SIPA1L2: variants seen among roughly 807,000 people sequenced by gnomAD.
SIPA1L2 encodes the protein signal induced proliferation associated 1 like 2.
SIPA1L2 carries 56 observed loss-of-function variants against 163.9 expected under a neutral mutation model. The observed-to-expected ratio is 0.34, with a 90% CI of 0.28 to 0.43. SIPA1L2 has a LOEUF of 0.43. SIPA1L2 is among the 20% of genes least tolerant of loss of function. The pLI, the probability that SIPA1L2 is intolerant of heterozygous loss-of-function variation, is 1.00. For synonymous variants in SIPA1L2, 877 were observed against 865.7 expected (o/e 1.01, Z -0.23); for missense variants, 1,974 against 2,193.5 (o/e 0.90, Z 2.00).
At position 232,596,720 on chromosome 1, in the gene SIPA1L2, T is replaced by C. The variant is rs191199967; in HGVS notation, c.-318-22498A>G. On this transcript the variant is annotated intron_variant, in intron 1 of 22. Transcript: ENST00000674635. ...AAAGAACAGCTTCTTCTTATTAATA[T>C]TGAAACAATCACTACAGGGAAGAAG... 2.7e-3 allele frequency among the ~76,000 whole-genome samples: 404 copies of C among 152,346 alleles called. 5 individuals carry two copies. Among genetic ancestry groups the C allele is most frequent in the African/African-American group, 9.0e-3 (376 of 41,576 alleles).
intron 1 of SIPA1L2, among the ~76,000 whole-genome samples, chr1:232,609,357 A>G (rs1662121481): frequency 6.6e-6 from 1 of 152,328 alleles, no homozygotes; most frequent in Admixed American, 6.5e-5. Context: ...AAAAGTTTAA[A>G]ATGAATATGC....
chr1:232,426,915 G>A (rs1476991883), intron 17 of SIPA1L2, among the ~76,000 whole-genome samples: 1 of 152,274 alleles, frequency 6.6e-6, no homozygotes, highest in East Asian at 1.9e-4. Context: ...AAGCCAGAAT[G>A]TTCACATCAT....
At chr1:232,411,801 T>C (rs1483747245) in intron 19 of SIPA1L2, among the ~76,000 whole-genome samples, 5 of 152,234 alleles carry the variant, frequency 3.3e-5, no homozygotes, top group Non-Finnish European at 7.3e-5. Flanking sequence ...CCTAAAAAAA[T>C]TGCTCTTGTC....
rs1660401678 is a variant in SIPA1L2 at position 232,402,464 on chromosome 1, A to C, written c.4950T>G (p.Ser1650=). 6.2e-7 allele frequency: 1 copy of C among 1,613,084 alleles called. No homozygotes were observed. Among genetic ancestry groups the C allele is most frequent in the South Asian group, 1.1e-5 (1 of 91,048 alleles). ...TGACTTTCCCGGTCAGTGGTGATGGAGAACGCTCCCTAGCAAATAAGGATA... is the reference window on the plus strand; with the variant it reads ...TGACTTTCCCGGTCAGTGGTGATGGCGAACGCTCCCTAGCAAATAAGGATA... ...KEFMDTTGER[S]PSPLTGKVNQ... Residue 1650 remains serine (S), a synonymous_variant, in exon 22 of 23, where the codon TCT becomes TCG. Transcript: ENST00000674635.
Position 232,513,926 on chromosome 1 carries a change from C to G in SIPA1L2, c.1414G>C (p.Val472Leu), listed in dbSNP as rs776287842. 2 of 1,613,906 alleles carry G rather than the reference C, an allele frequency of 1.2e-6. No homozygotes were observed. The highest frequency in any genetic ancestry group is 3.3e-5 in the Admixed American group (2 of 59,986). Residue 472 changes from valine (V) to leucine (L), a missense_variant, in exon 3 of 23, where the codon GTG becomes CTG. Val to Leu is a conservative substitution (Grantham distance 32, BLOSUM62 1). This residue lies in a region of SIPA1L2 where 607 missense variants were observed against 624.0 expected (regional missense o/e 0.97). Transcript: ENST00000674635. ...RENQPIHREK[V>L]KRYIIEHIDL... ...ATGTGTTCTATGATGTAGCGCTTCA[C>G]TTTCTCCCTGTGAATAGGCTGGTTT...
At chr1:232,490,553 CA>C (rs1043661205) in intron 5 of SIPA1L2, 1 of 247,976 alleles carries the variant, frequency 4.0e-6, no homozygotes, top group African/African-American at 2.3e-5. Context: ...GGAAAAGGGC[CA>C]TAAGAGATTT....
rs992780363 is a variant in SIPA1L2, at chr1:232,514,269, T to G, written c.1071A>C (p.Ile357=). ...GGGATGCTGCAGATGCCCCAGTGGTTATGTTTTTCCTTTTCCCCACATTAG... is the reference window on the plus strand; with the variant it reads ...GGGATGCTGCAGATGCCCCAGTGGTGATGTTTTTCCTTTTCCCCACATTAG... ...TRANVGKRKN[I]TTGASAASQT... is the part of the protein sequence containing the mutation. Residue 357 remains isoleucine, a synonymous_variant, in exon 3 of 23, where the codon ATA becomes ATC. Transcript: ENST00000674635. 8.7e-6 allele frequency: 14 copies of G among 1,613,990 alleles called. No individual in the cohort carries two copies. The highest frequency in any genetic ancestry group is 1.3e-5 in the African/African-American group (1 of 74,936).
At chr1:232,596,778 T>G (rs2102841810) in intron 1 of SIPA1L2, among the ~76,000 whole-genome samples, 2 of 152,304 alleles carry the variant, frequency 1.3e-5, no homozygotes, top group Middle Eastern at 3.4e-3. Context: ...GAGAAGTGCT[T>G]CTTCCCCGCT....
intron 3 of SIPA1L2, among the ~76,000 whole-genome samples, chr1:232,503,636 T>C (rs1666587588): frequency 6.6e-6 from 1 of 152,234 alleles, no homozygotes; most frequent in Non-Finnish European, 1.5e-5. Context: ...ACTTTGTTAA[T>C]ATGCACAGCA....
chr1:232,523,417 C>T (rs1667544818), intron 2 of SIPA1L2, among the ~76,000 whole-genome samples: 1 of 152,172 alleles, frequency 6.6e-6, no homozygotes, highest in Non-Finnish European at 1.5e-5. Flanking sequence ...CCCTGAATTA[C>T]AGATGGCACA....
In SIPA1L2 at chr1:232,445,767, G is replaced by A. The variant is rs765829367; in HGVS notation, c.3115C>T (p.Arg1039Trp). The stretch of plus-strand genomic sequence containing the variant: ...AGTTTATATTCCACCATAGGGATCC[G>A]GCAGAGCTCTGAACACCCTCTGTTG... ...SPRRGCSELC[R>W]IPMVEYKLDS... The change falls in exon 11 of 23, where the codon CGG becomes TGG. Residue 1039 changes from arginine to tryptophan, a missense_variant. Coordinates refer to ENST00000674635, the MANE Select transcript of SIPA1L2 (RefSeq NM_020808.5). 9.9e-6 allele frequency: 16 copies of A among 1,613,216 alleles called. No homozygotes were observed. The highest frequency in any genetic ancestry group is 3.3e-5 in the South Asian group (3 of 90,980).
At chr1:232,551,101 G>A (rs1658354785) in intron 2 of SIPA1L2, among the ~76,000 whole-genome samples, 1 of 152,166 alleles carries the variant, frequency 6.6e-6, no homozygotes, top group African/African-American at 2.4e-5. Flanking sequence ...GCGTTTCTAT[G>A]TCTGTTTTCT....
At chr1:232,569,248 C>G (rs1659579676) in intron 2 of SIPA1L2, among the ~76,000 whole-genome samples, 1 of 152,014 alleles carries the variant, frequency 6.6e-6, no homozygotes, top group South Asian at 2.1e-4. Context: ...ATATAAGCAG[C>G]AAAAAAATTG....
chr1:232,624,364 C>T (rs1662967482), intron 1 of SIPA1L2, among the ~76,000 whole-genome samples: 1 of 152,196 alleles, frequency 6.6e-6, no homozygotes, highest in Non-Finnish European at 1.5e-5. Flanking sequence ...AAAGCTATTC[C>T]TGAACAATGT....
At chr1:232,616,167 T>C (rs555800027) in intron 1 of SIPA1L2, among the ~76,000 whole-genome samples, 2 of 152,278 alleles carry the variant, frequency 1.3e-5, no homozygotes, top group East Asian at 1.9e-4. Flanking sequence ...GAGTACAGTA[T>C]AGCAAAAAGA....
chr1:232,492,704 G>A (rs1298416824), intron 4 of SIPA1L2, among the ~76,000 whole-genome samples: 4 of 152,074 alleles, frequency 2.6e-5, no homozygotes, highest in East Asian at 1.9e-4. Flanking sequence ...TAGCCTCTTC[G>A]TTTTGGCCAA....
At chr1:232,432,504 A>AG in intron 15 of SIPA1L2, 33 bp from the exon 16 acceptor site, 2 of 1,586,502 alleles carry the variant, frequency 1.3e-6, no homozygotes, top group Non-Finnish European at 1.7e-6. Flanking sequence ...GCTGCAATAC[A>AG]ATCTGATTTC....
At chr1:232,565,858 A>G (rs963606849) in intron 2 of SIPA1L2, among the ~76,000 whole-genome samples, 3 of 152,212 alleles carry the variant, frequency 2.0e-5, no homozygotes, top group Non-Finnish European at 4.4e-5. Flanking sequence ...ATGAGGCAGA[A>G]GGAATGTTTG....
intron 2 of SIPA1L2, among the ~76,000 whole-genome samples, chr1:232,539,026 C>A (rs1432612674): frequency 6.6e-6 from 1 of 152,232 alleles, no homozygotes; most frequent in African/African-American, 2.4e-5. Context: ...GGGGAAGTAG[C>A]AGTCACATGC....
Sources: gnomAD v4.1 joint callset for allele counts (sites outside exome capture counted in the v4.1 genomes callset) on GRCh38, gnomAD v4.1.1 for gene constraint, gnomAD v4.1.1 regional missense constraint, MANE v1.5 for transcripts, NCBI Gene and HGNC (gene_info 2026-07-23, HGNC 2026-07-21) for gene names.